Variants in NRG1 observed in about 807,000 individuals in gnomAD.
The protein encoded by NRG1 is neuregulin 1.
Under a neutral mutation model 63.8 loss-of-function variants are expected in NRG1, and 18 were observed. The ratio of observed to expected loss-of-function variants is 0.28; its 90% CI spans 0.19 to 0.42. The LOEUF is 0.42. NRG1 is among the 10% of genes least tolerant of loss of function. The probability of loss-of-function intolerance (pLI) is 1.00; values close to 1 mark genes in which losing one functional copy is unlikely to be tolerated. For synonymous variants in NRG1, 302 were observed against 301.3 expected, an observed-to-expected ratio of 1.00 and a Z score of -0.02; for missense variants, 762 against 814.7, an observed-to-expected ratio of 0.94 and a Z score of 0.79.
At chr8:32,290,742 A>G (rs1854098270) in intron 1 of NRG1, among the ~76,000 whole-genome samples, 1 of 152,086 alleles carries the variant, frequency 6.6e-6, no homozygotes, top group Non-Finnish European at 1.5e-5. Context: ...ATTTTATTAT[A>G]TTTGCTGCAA....
intron 1 of NRG1, among the ~76,000 whole-genome samples, chr8:31,670,759 G>A (rs931558504): frequency 1.3e-5 from 2 of 151,926 alleles, no homozygotes; most frequent in African/African-American, 2.4e-5. Flanking sequence ...GAGAACCAGG[G>A]CCTTATATTT....
intron 1 of NRG1, among the ~76,000 whole-genome samples, chr8:32,048,103 G>C (rs1269846840): frequency 6.6e-6 from 1 of 151,750 alleles, no homozygotes; most frequent in East Asian, 1.9e-4. Context: ...CAGTTGAATA[G>C]TATTTTATTT....
At chr8:32,304,722 G>A (rs1855994377) in intron 1 of NRG1, among the ~76,000 whole-genome samples, 1 of 152,114 alleles carries the variant, frequency 6.6e-6, no homozygotes, top group Non-Finnish European at 1.5e-5. Context: ...GTCTTTAAAA[G>A]TTTAAATATT....
At chr8:32,077,628 C>T (rs755317456) in intron 1 of NRG1, among the ~76,000 whole-genome samples, 8 of 152,024 alleles carry the variant, frequency 5.3e-5, no homozygotes, top group African/African-American at 9.7e-5. Flanking sequence ...AATGTAATTA[C>T]GATAGAAACT....
At chr8:32,123,484 C>T (rs1473021370) in intron 1 of NRG1, among the ~76,000 whole-genome samples, 1 of 151,750 alleles carries the variant, frequency 6.6e-6, no homozygotes, top group Non-Finnish European at 1.5e-5. Context: ...TCAATTAAAC[C>T]TCTTTCCTTT....
At chr8:32,500,815 G>C (rs1194372317) in intron 1 of NRG1, among the ~76,000 whole-genome samples, 1 of 152,040 alleles carries the variant, frequency 6.6e-6, no homozygotes, top group African/African-American at 2.4e-5. Context: ...TAACCAGCAA[G>C]GTTTCAATCA....
At chr8:31,879,917 C>T (rs1048002463) in intron 1 of NRG1, among the ~76,000 whole-genome samples, 10 of 152,138 alleles carry the variant, frequency 6.6e-5, no homozygotes, top group Admixed American at 1.3e-4. Context: ...GCATACTATT[C>T]CATGGTGTAT....
chr8:32,718,158 T>C (rs1369317230), intron 5 of NRG1, among the ~76,000 whole-genome samples: 1 of 152,176 alleles, frequency 6.6e-6, no homozygotes, highest in Non-Finnish European at 1.5e-5. Context: ...CCGGTGAGTA[T>C]TGCATATTGA....
chr8:31,687,915 C>G (rs1809073677), intron 1 of NRG1, among the ~76,000 whole-genome samples: 1 of 152,184 alleles, frequency 6.6e-6, no homozygotes, highest in Non-Finnish European at 1.5e-5. Flanking sequence ...TCAGACTGTT[C>G]CAGCCCCTAA....
At chr8:32,663,678 G>A (rs1803434040) in intron 5 of NRG1, among the ~76,000 whole-genome samples, 1 of 152,108 alleles carries the variant, frequency 6.6e-6, no homozygotes, top group Non-Finnish European at 1.5e-5. Flanking sequence ...GCAAAAAGGA[G>A]GTTATCAAGA....
rs1814673812 is a variant in NRG1 at position 31,736,453 on chromosome 8, C to T, written c.37+97022C>T. Among the ~76,000 whole-genome samples, 3 of 152,214 alleles carry T rather than the reference C, an allele frequency of 2.0e-5. No homozygotes were observed. The South Asian group carries it at 6.2e-4, about 32-fold the overall frequency. ...CTGTCTTCATCCCCAACACCTAGAACAGTGACGGACACATGATAGCTACCT... is the reference window on the plus strand; with the variant it reads ...CTGTCTTCATCCCCAACACCTAGAATAGTGACGGACACATGATAGCTACCT... On this transcript the variant is annotated intron_variant, in intron 1 of 10. Coordinates refer to the NRG1 transcript ENST00000519301.
At chr8:31,785,826 T>C (rs980176279) in intron 1 of NRG1, among the ~76,000 whole-genome samples, 14 of 152,204 alleles carry the variant, frequency 9.2e-5, no homozygotes, top group African/African-American at 2.7e-4. Flanking sequence ...AAGAGTATCA[T>C]GTGGTATACA....
At chr8:31,767,291 T>A (rs1818165603) in intron 1 of NRG1, among the ~76,000 whole-genome samples, 1 of 152,188 alleles carries the variant, frequency 6.6e-6, no homozygotes, top group Non-Finnish European at 1.5e-5. Flanking sequence ...ATACTTTACT[T>A]GTTGATTAAT....
At chr8:31,959,402 A>G (rs530364685) in intron 1 of NRG1, among the ~76,000 whole-genome samples, 1 of 152,350 alleles carries the variant, frequency 6.6e-6, no homozygotes, top group South Asian at 2.1e-4. Context: ...TGTAGAAACA[A>G]TAATGAATAA....
chr8:31,740,684 T>TGA (rs35666052), intron 1 of NRG1, among the ~76,000 whole-genome samples: 31 of 148,750 alleles, frequency 2.1e-4, no homozygotes, highest in South Asian at 6.5e-4. Flanking sequence ...TGTGTGTGTG[T>TGA]GAGAGAGAGA....
At chr8:32,380,799 A>G (rs960675762) in intron 1 of NRG1, among the ~76,000 whole-genome samples, 1 of 152,202 alleles carries the variant, frequency 6.6e-6, no homozygotes, top group African/African-American at 2.4e-5. Flanking sequence ...ATAAATGTCC[A>G]TAGTTTTGGG....
At chr8:32,002,609 C>A (rs910948560) in intron 1 of NRG1, among the ~76,000 whole-genome samples, 7 of 151,896 alleles carry the variant, frequency 4.6e-5, no homozygotes, top group African/African-American at 1.7e-4. Flanking sequence ...CAACATTAGG[C>A]AACCAGTTCT....
chr8:32,566,179 A>G (rs1424533068), intron 1 of NRG1, among the ~76,000 whole-genome samples: 2 of 152,062 alleles, frequency 1.3e-5, no homozygotes, highest in East Asian at 1.9e-4. Flanking sequence ...CAACATGGCG[A>G]AACCCCATCT....
At chr8:32,754,736 T>G (rs898487760) in intron 8 of NRG1, among the ~76,000 whole-genome samples, 1 of 152,078 alleles carries the variant, frequency 6.6e-6, no homozygotes, top group Admixed American at 6.6e-5. Context: ...AGGGACAGGC[T>G]TGTATGGAAG....
Sources: allele counts gnomAD v4.1 joint callset (sites outside exome capture counted in the v4.1 genomes callset), GRCh38; gene constraint gnomAD v4.1.1; transcripts MANE v1.5; gene names NCBI Gene and HGNC (gene_info 2026-07-23, HGNC 2026-07-21).